SFXN5: variants seen among roughly 807,000 people sequenced by gnomAD.
The protein encoded by SFXN5 is sideroflexin 5, also known as sideroflexin-5.
In SFXN5, 43 loss-of-function variants were observed where a neutral mutation model predicts 50.2. That is an observed-to-expected ratio of 0.86 (90% CI 0.67 to 1.11). SFXN5 has a LOEUF of 1.11. Among genes scored for constraint, SFXN5 ranks in the 50% least tolerant of loss-of-function variants. The pLI is 0.00. For missense variants in SFXN5, 463 were observed against 454.1 expected, an observed-to-expected ratio of 1.02 and a Z score of -0.18; for synonymous variants, 203 against 185.8, an observed-to-expected ratio of 1.09 and a Z score of -0.75.
At chr2:72,946,152 T>C (rs1301455218) in intron 13 of SFXN5, among the ~76,000 whole-genome samples, 2 of 140,214 alleles carry the variant, frequency 1.4e-5, no homozygotes, top group Non-Finnish European at 3.1e-5. Flanking sequence ...GGCCCCCTCC[T>C]GGGTCATCCT....
intron 13 of SFXN5, among the ~76,000 whole-genome samples, chr2:72,946,761 C>T (rs1160400531): frequency 6.6e-6 from 1 of 152,166 alleles, no homozygotes. Flanking sequence ...AGGTCTCATC[C>T]AGCCCAGTCC....
At chr2:72,959,706 C>A (rs1395951615) in intron 13 of SFXN5, among the ~76,000 whole-genome samples, 1 of 152,008 alleles carries the variant, frequency 6.6e-6, no homozygotes, top group Non-Finnish European at 1.5e-5. Context: ...GTGCTCTGGT[C>A]CCCCCTCCTC....
chr2:73,066,959 T>C (rs943540795), intron 1 of SFXN5, among the ~76,000 whole-genome samples: 1 of 152,204 alleles, frequency 6.6e-6, no homozygotes, highest in Admixed American at 6.5e-5. Flanking sequence ...GCCAGAGGAT[T>C]GCTTGAGCCC....
chr2:73,035,493 CTTTTTTTTTTTTT>C (rs761321478), intron 3 of SFXN5, among the ~76,000 whole-genome samples: 8 of 101,848 alleles, frequency 7.9e-5, no homozygotes, highest in African/African-American at 3.4e-4. Flanking sequence ...GTATCGCAAT[CTTTTTTTTTTTTT>C]TTTTTTTTTT....
At position 73,033,764 on chromosome 2, in the gene SFXN5, A is replaced by G. The variant is rs145321039; in HGVS notation, c.249+7090T>C. The stretch of plus-strand genomic sequence containing the variant: ...CTATGGCTTTTACTCTAAGTGCAAA[A>G]GAGGAACACTATAGTTTCTATTAGA... On this transcript the variant is annotated intron_variant, in intron 3 of 13. Coordinates refer to ENST00000272433, the MANE Select transcript of SFXN5 (RefSeq NM_144579.3). 4.5e-3 allele frequency among the ~76,000 whole-genome samples: 689 copies of G among 152,330 alleles called. 5 individuals are homozygous for G. The highest frequency in any genetic ancestry group is 5.6e-3 in the Non-Finnish European group (379 of 68,024).
At chr2:73,035,801 G>A (rs1678900312) in intron 3 of SFXN5, among the ~76,000 whole-genome samples, 1 of 152,058 alleles carries the variant, frequency 6.6e-6, no homozygotes, top group Non-Finnish European at 1.5e-5. Context: ...CGCTTGGCTG[G>A]TATAGCAACC....
intron 12 of SFXN5, among the ~76,000 whole-genome samples, chr2:72,964,936 G>A (rs964564609): frequency 6.6e-6 from 1 of 152,224 alleles, no homozygotes; most frequent in African/African-American, 2.4e-5. Flanking sequence ...AAGGGGGGAA[G>A]GGAAGGGCAC....
chr2:73,038,199 T>C (rs35130282), intron 3 of SFXN5, among the ~76,000 whole-genome samples: 13,150 of 152,330 alleles, frequency 0.086, 704 homozygotes, highest in Non-Finnish European at 0.11. Flanking sequence ...CTGGGTAGTA[T>C]GTTACTGTAC....
chr2:73,049,945 A>G (rs1574234555), intron 2 of SFXN5: 2 of 151,004 alleles, frequency 1.3e-5, no homozygotes, highest in Admixed American at 6.6e-5. Flanking sequence ...CACAAGACGA[A>G]TATTTATCTT....
rs1672700203 is a variant in SFXN5 at position 72,992,331 on chromosome 2, T to C, written c.535-3983A>G. Among the ~76,000 whole-genome samples the C allele has an allele frequency of 6.6e-6, 1 of 152,122 alleles. No individual in the cohort carries two copies. Among genetic ancestry groups the C allele is most frequent in the East Asian group, 1.9e-4 (1 of 5,188 alleles). The stretch of plus-strand genomic sequence containing the variant: ...AGCTACACAGCTGGTGGCTGTAGCC[T>C]TAAGTACCAAGGGCTTTCCGGGCCA... On this transcript the variant is annotated intron_variant, in intron 9 of 13. Transcript: ENST00000272433. This position sits in a 1 kb window ranked among gnomAD's most constrained non-coding sequence, Gnocchi z 4.5.
intron 5 of SFXN5, 30 bp from the exon 6 acceptor site, chr2:73,020,294 T>C: frequency 6.2e-7 from 1 of 1,613,094 alleles, no homozygotes; most frequent in South Asian, 1.1e-5. Context: ...AGTCAGGCCT[T>C]ATAATCCACT....
chr2:73,070,423 A>C (rs562053690), intron 1 of SFXN5: 6 of 152,078 alleles, frequency 3.9e-5, no homozygotes, highest in East Asian at 3.9e-4. Context: ...CTTCCACCAC[A>C]ACAACAAAAA....
intron 1 of SFXN5, among the ~76,000 whole-genome samples, chr2:73,062,026 A>T (rs192998264): frequency 6.6e-6 from 1 of 152,300 alleles, no homozygotes; most frequent in Admixed American, 6.5e-5. Context: ...CTGAGGTAGG[A>T]GGACCACTTC....
intron 2 of SFXN5, among the ~76,000 whole-genome samples, chr2:73,046,200 G>A (rs1680298084): frequency 6.6e-6 from 1 of 152,122 alleles, no homozygotes; most frequent in African/African-American, 2.4e-5. Flanking sequence ...CTTGAGGTCA[G>A]GAGTTCGAGA....
intron 2 of SFXN5, among the ~76,000 whole-genome samples, chr2:73,042,234 T>C (rs575857121): frequency 6.6e-6 from 1 of 152,328 alleles, no homozygotes; most frequent in East Asian, 1.9e-4. Context: ...GCAGCATTTA[T>C]ATAGCCCCAA....
intron 9 of SFXN5, chr2:72,997,313 T>C (rs1156294191): frequency 6.6e-6 from 1 of 152,224 alleles, no homozygotes; most frequent in African/African-American, 2.4e-5. Flanking sequence ...CAATGGGTAA[T>C]TATACAGCCG....
At chr2:72,954,594 T>G (rs924272815) in intron 13 of SFXN5, among the ~76,000 whole-genome samples, 1 of 152,068 alleles carries the variant, frequency 6.6e-6, no homozygotes, top group Non-Finnish European at 1.5e-5. Context: ...CCCTCTCCCC[T>G]GCCCGCAGCC....
intron 1 of SFXN5, among the ~76,000 whole-genome samples, chr2:73,065,366 G>A (rs1429511751): frequency 6.6e-6 from 1 of 152,094 alleles, no homozygotes; most frequent in Non-Finnish European, 1.5e-5. Context: ...CTCTCGAAGT[G>A]CTGGGATTAC....
intron 9 of SFXN5, among the ~76,000 whole-genome samples, chr2:72,993,569 A>G (rs1047032550): frequency 3.3e-5 from 5 of 152,116 alleles, no homozygotes; most frequent in African/African-American, 9.7e-5. Context: ...AACTTGTCCT[A>G]CCTAGAAAAG....
Sources: allele counts gnomAD v4.1 joint callset (sites outside exome capture counted in the v4.1 genomes callset), GRCh38; gene constraint gnomAD v4.1.1; non-coding constraint Gnocchi (gnomAD v3.1); transcripts MANE v1.5; gene names NCBI Gene and HGNC (gene_info 2026-07-23, HGNC 2026-07-21).